PITPNA: variants seen among roughly 807,000 people sequenced by gnomAD.
The protein encoded by PITPNA is phosphatidylinositol transfer protein alpha, also known as phosphatidylinositol transfer protein alpha isoform.
Under a neutral mutation model 50.3 loss-of-function variants are expected in PITPNA, and 13 were observed. The observed-to-expected ratio is 0.26, with a 90% CI of 0.17 to 0.41. PITPNA has a LOEUF of 0.41. PITPNA is among the 10% of genes least tolerant of loss of function. The pLI is 1.00. For missense variants in PITPNA, 207 were observed against 333.4 expected (o/e 0.62, Z 2.95); for synonymous variants, 120 against 119.6 (o/e 1.00, Z -0.02).
chr17:1,537,759 T>C (rs1159178910), intron 7 of PITPNA, among the ~76,000 whole-genome samples: 1 of 152,160 alleles, frequency 6.6e-6, no homozygotes, highest in Non-Finnish European at 1.5e-5. Flanking sequence ...AAGCACAAGA[T>C]GGTTTTTATA....
At chr17:1,535,742 G>A (rs2075611915) in intron 7 of PITPNA, 2 of 560,090 alleles carry the variant, frequency 3.6e-6, no homozygotes. Flanking sequence ...CATTTTGCCA[G>A]TGTGAAAGTA....
intron 1 of PITPNA, among the ~76,000 whole-genome samples, chr17:1,558,886 C>T (rs1056086655): frequency 6.6e-6 from 1 of 151,034 alleles, no homozygotes; most frequent in South Asian, 2.1e-4. Context: ...CCTATCCTCC[C>T]GCCAGCTACT....
intron 10 of PITPNA, among the ~76,000 whole-genome samples, chr17:1,528,876 A>G (rs1475779674): frequency 2.0e-5 from 3 of 151,058 alleles, no homozygotes; most frequent in South Asian, 2.1e-4. Flanking sequence ...GGTGGCTCAC[A>G]CCTGTAATCC....
At chr17:1,524,663 T>C (rs952323024) in intron 10 of PITPNA, among the ~76,000 whole-genome samples, 1 of 151,994 alleles carries the variant, frequency 6.6e-6, no homozygotes. Context: ...CTGGCCAGCA[T>C]GGTGAAACCC....
At chr17:1,539,829 C>A (rs986994738) in intron 6 of PITPNA, among the ~76,000 whole-genome samples, 1 of 152,228 alleles carries the variant, frequency 6.6e-6, no homozygotes, top group African/African-American at 2.4e-5. Context: ...CTCTGCCTCC[C>A]GGGTTCAAGC....
At chr17:1,534,357 G>C in intron 9 of PITPNA, 136 bp from the exon 10 acceptor site, 2 of 1,027,454 alleles carry the variant, frequency 1.9e-6, no homozygotes, top group Non-Finnish European at 2.9e-6. Context: ...TGCCCGGCTG[G>C]TTATCTGGAC....
chr17:1,551,094 G>A (rs1220718185), intron 3 of PITPNA, among the ~76,000 whole-genome samples: 5 of 151,420 alleles, frequency 3.3e-5, no homozygotes, highest in African/African-American at 1.2e-4. Flanking sequence ...GATGGGACAC[G>A]AAGGGCGAGT....
intron 1 of PITPNA, among the ~76,000 whole-genome samples, chr17:1,561,652 A>G (rs1244613349): frequency 6.6e-6 from 1 of 151,918 alleles, no homozygotes; most frequent in Non-Finnish European, 1.5e-5. Flanking sequence ...CAGTCATCCC[A>G]AGCTTGTTCC....
At chr17:1,558,787 C>G (rs182893566) in intron 1 of PITPNA, among the ~76,000 whole-genome samples, 1 of 119,068 alleles carries the variant, frequency 8.4e-6, no homozygotes, top group Non-Finnish European at 1.8e-5. Context: ...CCCGCCCCCC[C>G]CCCCAGAGAA....
intron 10 of PITPNA, among the ~76,000 whole-genome samples, chr17:1,522,083 G>A (rs1428245755): frequency 1.8e-5 from 2 of 110,120 alleles, no homozygotes; most frequent in African/African-American, 8.0e-5. Flanking sequence ...TTTTTTTTTT[G>A]AGACGGAGTC....
rs2151016675 is a variant in PITPNA at position 1,562,734 on chromosome 17, T to C, written c.-174A>G. The C allele has an allele frequency of 4.6e-6, 1 of 217,022 alleles. No individual in the cohort carries two copies. The highest frequency in any genetic ancestry group is 7.9e-6 in the Non-Finnish European group (1 of 125,920). 13.4% of individuals were successfully genotyped at this position (217,022 alleles called of 1,614,324 possible). On this transcript the variant is annotated 5_prime_UTR_variant, in exon 1 of 12. Coordinates refer to ENST00000313486, the MANE Select transcript of PITPNA (RefSeq NM_006224.4). The surrounding 1 kb of genome is among the most constrained non-coding windows in gnomAD (Gnocchi z 6.4). Reference sequence around the variant, plus strand: ...CGCGCCGGCTCCTGCCGCCCGGGCCTCGTCGCCTCTCGCGCCGCTGCCGAC... The same window carrying C: ...CGCGCCGGCTCCTGCCGCCCGGGCCCCGTCGCCTCTCGCGCCGCTGCCGAC...
At chr17:1,537,801 TTGTG>T (rs140453081) in intron 7 of PITPNA, among the ~76,000 whole-genome samples, 2 of 151,094 alleles carry the variant, frequency 1.3e-5, no homozygotes, top group Non-Finnish European at 3.0e-5. Flanking sequence ...CAAAATAACT[TTGTG>T]TGTGTGTGTG....
chr17:1,530,982 A>G (rs2075578756), intron 10 of PITPNA, among the ~76,000 whole-genome samples: 1 of 151,864 alleles, frequency 6.6e-6, no homozygotes, highest in Non-Finnish European at 1.5e-5. Flanking sequence ...GTCCAAATGG[A>G]GAACGGTTAG....
chr17:1,537,285 G>C (rs948626218), intron 7 of PITPNA, among the ~76,000 whole-genome samples: 2 of 151,996 alleles, frequency 1.3e-5, no homozygotes, highest in African/African-American at 4.8e-5. Context: ...GGATGGTCTC[G>C]ATCTCTTGAC....
chr17:1,536,537 C>T (rs1340227806), intron 7 of PITPNA, among the ~76,000 whole-genome samples: 2 of 151,678 alleles, frequency 1.3e-5, no homozygotes, highest in African/African-American at 4.9e-5. Context: ...GATCCGCCCA[C>T]CTTGGCCTCC....
intron 1 of PITPNA, among the ~76,000 whole-genome samples, chr17:1,560,445 C>T (rs1365338620): frequency 6.6e-6 from 1 of 152,160 alleles, no homozygotes; most frequent in Non-Finnish European, 1.5e-5. Flanking sequence ...ACACGGGGCA[C>T]GAGTCGGGCA....
chr17:1,536,337 G>A (rs1225859057), intron 7 of PITPNA, among the ~76,000 whole-genome samples: 1 of 150,840 alleles, frequency 6.6e-6, no homozygotes, highest in Non-Finnish European at 1.5e-5. Context: ...GGCCAGGCTG[G>A]AGTGCAGTAG....
At chr17:1,528,101 G>A (rs910956051) in intron 10 of PITPNA, among the ~76,000 whole-genome samples, 1 of 152,200 alleles carries the variant, frequency 6.6e-6, no homozygotes, top group Non-Finnish European at 1.5e-5. Flanking sequence ...TGAGGTGGGT[G>A]GATCAGTTGA....
chr17:1,555,388 G>A (rs1224728658), intron 2 of PITPNA, among the ~76,000 whole-genome samples: 1 of 152,194 alleles, frequency 6.6e-6, no homozygotes, highest in Admixed American at 6.5e-5. Flanking sequence ...AGTGAAGGGC[G>A]CTTTTCACGT....
Sources: gnomAD v4.1 joint callset for allele counts (sites outside exome capture counted in the v4.1 genomes callset) on GRCh38, gnomAD v4.1.1 for gene constraint, Gnocchi (gnomAD v3.1) non-coding constraint, MANE v1.5 for transcripts, NCBI Gene and HGNC (gene_info 2026-07-23, HGNC 2026-07-21) for gene names.